TTN: variants seen among roughly 807,000 people sequenced by gnomAD.
TTN encodes connectin.
TTN carries 1,525 observed loss-of-function variants against 3,223.0 expected under a neutral mutation model. The observed-to-expected ratio is 0.47, with a 90% CI of 0.45 to 0.49. TTN has a LOEUF of 0.49. TTN is among the 20% of genes least tolerant of loss of function. TTN has a pLI of 0.00. For missense variants in TTN, 40,786 were observed against 43,424.0 expected (o/e 0.94, Z 5.40); for synonymous variants, 14,094 against 15,161.0 (o/e 0.93, Z 5.17).
Position 178,554,618 on chromosome 2 carries a change from T to A in TTN, c.88729A>T (p.Ser29577Cys), listed in dbSNP as rs1559230996. The A allele has an allele frequency of 1.9e-6, 3 of 1,613,900 alleles. No homozygotes were observed. Residue 29577 changes from serine to cysteine, a missense_variant, in exon 332 of 363, where the codon AGC becomes TGC. Ser to Cys is a moderately radical substitution (Grantham distance 112). Transcript: ENST00000589042. ...THYIVEKRET[S>C]RVVWSMVSEH... ...GACACCATAGACCACACAACGCGGC[T>A]TGTCTCACGCTTTTCCACAATGTAG...
chr2:178,775,645 AGGACTTAGTTC>A lies in TTN; in HGVS notation c.6208_6218del (p.Glu2070Ter). ...CGAAGATTTTTGGAGCCTCCATACT[AGGACTTAGTTC>A]AATCTTGTCAGGTTTAAAAGTTGGA... On this transcript the variant is annotated frameshift_variant, in exon 28 of 363. Transcript: ENST00000589042. LOFTEE classifies it high-confidence loss of function. 6.2e-7 allele frequency: 1 copy of A among 1,614,092 alleles called. No homozygotes were observed. The highest frequency in any genetic ancestry group is 8.5e-7 in the Non-Finnish European group (1 of 1,179,992).
Position 178,561,462 on chromosome 2 carries a change from T to G in TTN, c.84670A>C (p.Met28224Leu). The G allele has an allele frequency of 6.2e-7, 1 of 1,613,814 alleles. No homozygotes were observed. Among genetic ancestry groups the G allele is most frequent in the African/African-American group, 1.3e-5 (1 of 75,040 alleles). ...MKVSGLDEGL[M>L]YEYRVYAENI... Reference sequence around the variant, plus strand: ...TCAGCATATACACGATACTCATACATCAGTCCTTCATCAAGGCCGGAGACT... The same window carrying G: ...TCAGCATATACACGATACTCATACAGCAGTCCTTCATCAAGGCCGGAGACT... Residue 28224 changes from methionine to leucine, a missense_variant, in exon 326 of 363, where the codon ATG (methionine) becomes CTG (leucine). By Grantham distance (15) the Met-to-Leu change is conservative. Coordinates refer to ENST00000589042, the MANE Select transcript of TTN (RefSeq NM_001267550.2).
chr2:178,778,805 A>G (rs2092492756), intron 24 of TTN, 69 bp downstream of exon 24: 3 of 1,605,256 alleles, frequency 1.9e-6, no homozygotes, highest in Non-Finnish European at 2.6e-6. Context: ...ACACAATAGC[A>G]ATTTGCTACT....
chr2:178,588,324 C>A, intron 304 of TTN, 105 bp from the exon 305 acceptor site: 1 of 1,180,612 alleles, frequency 8.5e-7, no homozygotes, highest in Non-Finnish European at 1.1e-6. Context: ...TCCAATTTTT[C>A]AATTAGTGTC....
Position 178,751,384 on chromosome 2 carries a change from A to G in TTN, c.11311+1740T>C, listed in dbSNP as rs762962308. On this transcript the variant is annotated intron_variant, in intron 47 of 362. Transcript: ENST00000589042. ...ATTTACTTTCTAAATATTCTTCATC[A>G]TACATGTAATCTGTTTTCTTGGCAG... 6.8e-6 allele frequency: 11 copies of G among 1,606,966 alleles called. No individual in the cohort carries two copies. The African/African-American group carries it at 1.1e-4, about 16-fold the overall frequency.
Position 178,543,185 on chromosome 2 carries a change from G to C in TTN, c.96788C>G (p.Thr32263Ser), listed in dbSNP as rs762871001. ...TTCACCTTCATTTAAGGAAGTAACAGTGTGCTCTAGGACTGTGGGTTTTAA... is the reference window on the plus strand; with the variant it reads ...TTCACCTTCATTTAAGGAAGTAACACTGTGCTCTAGGACTGTGGGTTTTAA... The part of the protein sequence containing the change: ...VTLKPTVLEH[T>S]VTSLNEGEQY... The change falls in exon 347 of 363, where the codon ACT becomes AGT. Residue 32263 changes from threonine to serine, a missense_variant. By Grantham distance (58) the Thr-to-Ser change is moderately conservative. Transcript: ENST00000589042. 6.2e-7 allele frequency: 1 copy of C among 1,613,626 alleles called. No homozygotes were observed. Among genetic ancestry groups the C allele is most frequent in the South Asian group, 1.1e-5 (1 of 91,070 alleles).
Position 178,528,285 on chromosome 2 carries a change from A to G in TTN, c.107366T>C (p.Leu35789Ser). ...GAGGAGATACTTACGAAGGACCATT[A>G]AGGAAGCTGTAGCTGAACACTGGCC... ...FRGQCSATAS[L>S]MVLPLVEEPS... Residue 35789 changes from leucine to serine, a missense_variant, in exon 361 of 363, where the codon TTA becomes TCA. Transcript: ENST00000589042. 6.2e-7 allele frequency: 1 copy of G among 1,613,798 alleles called. No individual in the cohort carries two copies. The highest frequency in any genetic ancestry group is 8.5e-7 in the Non-Finnish European group (1 of 1,179,782).
At position 178,748,531 on chromosome 2, in the gene TTN, A is replaced by C. The variant is rs72648906; in HGVS notation, c.11311+4593T>G. 5,314 of 1,613,016 alleles carry C rather than the reference A, an allele frequency of 3.3e-3. 157 individuals carry two copies. The African/African-American group carries it at 0.064, about 19-fold the overall frequency. On this transcript the variant is annotated intron_variant, in intron 47 of 362. Transcript: ENST00000589042. ...ACTCCAGAGCTGGATCTCCTATATG[A>C]GAATACATTTGTTTTAGATCAAATA...
In TTN at chr2:178,751,157, A is replaced by T. The variant is rs771289995; in HGVS notation, c.11311+1967T>A. The T allele has an allele frequency of 3.7e-6, 6 of 1,612,630 alleles. No homozygotes were observed. The East Asian group carries it at 8.9e-5, about 24-fold the overall frequency. ...TAGATCAGACATAGATCTGATTTTC[A>T]TGTCCTCTCTAGAGAACAGAATATC... On this transcript the variant is annotated intron_variant, in intron 47 of 362. Coordinates refer to ENST00000589042, the MANE Select transcript of TTN (RefSeq NM_001267550.2).
At position 178,590,951 on chromosome 2, in the gene TTN, A is replaced by G. The variant is rs1207936853; in HGVS notation, c.60774T>C (p.Leu20258=). Residue 20258 remains leucine, a synonymous_variant, in exon 304 of 363, where the codon CTT becomes CTC. Coordinates refer to ENST00000589042, the MANE Select transcript of TTN (RefSeq NM_001267550.2). ...AENKIGVGPP[L]DSTPTVAKHK... ...GCTTAGCAACAGTAGGTGTGGAGTC[A>G]AGGGGAGGACCAACACCTATCTTAT... 2 of 1,613,256 alleles carry G rather than the reference A, an allele frequency of 1.2e-6. No individual in the cohort carries two copies. The highest frequency in any genetic ancestry group is 2.2e-5 in the East Asian group (1 of 44,820).
chr2:178,794,982 G>T lies in TTN; in HGVS notation c.1185C>A (p.Ala395=), dbSNP rs372346898. The T allele has an allele frequency of 6.2e-7, 1 of 1,607,636 alleles. No individual in the cohort carries two copies. The highest frequency in any genetic ancestry group is 2.2e-5 in the East Asian group (1 of 44,886). Residue 395 remains alanine (A), a synonymous_variant, in exon 7 of 363, where the codon GCC becomes GCA. Transcript: ENST00000589042. The stretch of plus-strand genomic sequence containing the variant: ...AGCTAGCACTGGCCGACACACTGGC[G>T]GCAGCACCCGCAGCACCACTGATGG... The part of the protein sequence containing the change: ...QVTISGAAGA[A]ASVSASASYA...
chr2:178,630,071 C>T lies in TTN; in HGVS notation c.44281+170G>A, dbSNP rs72677215. Among the ~76,000 whole-genome samples, 3,819 of 152,094 alleles carry T rather than the reference C, an allele frequency of 0.025. 66 individuals are homozygous for T. The highest frequency in any genetic ancestry group is 0.059 in the East Asian group (302 of 5,148). On this transcript the variant is annotated intron_variant, in intron 239 of 362. Transcript: ENST00000589042. ...GGTCAACAAAATTTCCAAAACTTTA[C>T]GATTTGAACCACTTCTGTATTGGAA...
Position 178,545,861 on chromosome 2 carries a change from A to G in TTN, c.95375T>C (p.Val31792Ala). 6.2e-7 allele frequency: 1 copy of G among 1,613,834 alleles called. No individual in the cohort carries two copies. The highest frequency in any genetic ancestry group is 8.5e-7 in the Non-Finnish European group (1 of 1,179,748). ...TACAATTGGCTCTGATTCAACAGGC[A>G]CACCAGGGCCATATTTGTTTACTGC... ...VRAVNKYGPG[V>A]PVESEPIVAR... Residue 31792 changes from valine (V) to alanine (A), a missense_variant, in exon 343 of 363, where the codon GTG (valine) becomes GCG (alanine). Transcript: ENST00000589042.
At position 178,551,820 on chromosome 2, in the gene TTN, A is replaced by G. The variant is rs766678879; in HGVS notation, c.91080T>C (p.His30360=). 1.9e-6 allele frequency: 3 copies of G among 1,613,830 alleles called. No individual in the cohort carries two copies. The highest frequency in any genetic ancestry group is 1.7e-5 in the Admixed American group (1 of 60,006). Residue 30360 remains histidine, a synonymous_variant, in exon 335 of 363, where the codon CAT becomes CAC. Transcript: ENST00000589042. ...YDGGSEVTGF[H]VEKKERNSIL... ...TGCTATTTCTTTCTTTCTTTTCAAC[A>G]TGGAATCCAGTAACTTCTGAACCAC...
At position 178,568,222 on chromosome 2, in the gene TTN, T is replaced by C. The variant is rs777908709; in HGVS notation, c.77910A>G (p.Arg25970=). The C allele has an allele frequency of 1.9e-6, 3 of 1,613,544 alleles. No homozygotes were observed. The highest frequency in any genetic ancestry group is 1.7e-5 in the Admixed American group (1 of 59,980). ...ACTCTAAGGCAAAGCTTTGTCCATA[T>C]CTGTTTTCGGCAAATATTCTAAATT... ...EYQFRIFAEN[R]YGQSFALESD... Residue 25970 remains arginine (R), a synonymous_variant, in exon 326 of 363, where the codon AGA becomes AGG. Coordinates refer to ENST00000589042, the MANE Select transcript of TTN (RefSeq NM_001267550.2).
intron 69 of TTN, 106 bp from the exon 70 acceptor site, chr2:178,726,152 G>A (rs1387002971): frequency 9.9e-6 from 13 of 1,308,886 alleles, no homozygotes; most frequent in Non-Finnish European, 1.3e-5. Flanking sequence ...ATTCTAATGG[G>A]TAAGTAGAGT....
At chr2:178,770,814 TA>T (rs748582284) in intron 34 of TTN, 139 bp from the exon 35 acceptor site, 2 of 1,106,244 alleles carry the variant, frequency 1.8e-6, no homozygotes, top group Non-Finnish European at 1.4e-6. Flanking sequence ...ACCTCTGTTT[TA>T]AAAAACACCT....
chr2:178,801,635 TAAGTTTTCTGGGG>T (rs2094068098), intron 3 of TTN, among the ~76,000 whole-genome samples: 2 of 151,416 alleles, frequency 1.3e-5, no homozygotes, highest in South Asian at 4.2e-4. Context: ...AGATTGGTGA[TAAGTTTTCTGGGG>T]AAACAGTGTC....
chr2:178,604,765 A>C lies in TTN; in HGVS notation c.54324T>G (p.Ser18108Arg). 4 of 1,612,046 alleles carry C rather than the reference A, an allele frequency of 2.5e-6. No individual in the cohort carries two copies. Among genetic ancestry groups the C allele is most frequent in the Non-Finnish European group, 3.4e-6 (4 of 1,178,874 alleles). Residue 18108 changes from serine to arginine, a missense_variant, in exon 281 of 363, where the codon AGT (serine) becomes AGG (arginine). By Grantham distance (110) the Ser-to-Arg change is moderately radical. Transcript: ENST00000589042. ...THYVIDKRDA[S>R]RKKAEWEEVT... ...CTTCCTCCCATTCTGCTTTCTTCCT[A>C]CTTGCATCACGTTTGTCAATAACAT... is the stretch of plus-strand genomic sequence containing the variant.
Sources: gnomAD v4.1 joint callset for allele counts (sites outside exome capture counted in the v4.1 genomes callset) on GRCh38, gnomAD v4.1.1 for gene constraint, MANE v1.5 for transcripts, NCBI Gene and HGNC (gene_info 2026-07-23, HGNC 2026-07-21) for gene names.